The following TMEM38B variants were observed in gnomAD, a reference collection of about 807,000 sequenced individuals.
TMEM38B encodes trimeric intracellular cation channel type B.
In TMEM38B, 24 loss-of-function variants were observed where a neutral mutation model predicts 28.7. That is an observed-to-expected ratio of 0.84 (90% CI 0.61 to 1.18). The LOEUF (loss-of-function observed/expected upper bound fraction) is 1.18. Ranked by LOEUF, TMEM38B falls within the 50% of genes most tolerant of loss-of-function variation. TMEM38B has a pLI of 0.00. For synonymous variants in TMEM38B, 131 were observed against 127.7 expected, an observed-to-expected ratio of 1.03 and a Z score of -0.17; for missense variants, 380 against 350.9, an observed-to-expected ratio of 1.08 and a Z score of -0.66.
At chr9:105,748,647 G>C (rs1292748447) in intron 5 of TMEM38B, among the ~76,000 whole-genome samples, 1 of 152,154 alleles carries the variant, frequency 6.6e-6, no homozygotes, top group Non-Finnish European at 1.5e-5. Flanking sequence ...ATAGGTTAGA[G>C]ACAGGCAGTC....
chr9:105,713,724 G>C (rs1224519026), intron 2 of TMEM38B, among the ~76,000 whole-genome samples: 1 of 152,186 alleles, frequency 6.6e-6, no homozygotes, highest in Non-Finnish European at 1.5e-5. Flanking sequence ...CTGGAGCTGG[G>C]CTGCCAGTCC....
Position 105,776,410 on chromosome 9 carries a change from C to T in TMEM38B, c.*2330C>T, listed in dbSNP as rs147693901. The T allele has an allele frequency of 4.6e-5, 7 of 151,772 alleles. No homozygotes were observed. The highest frequency in any genetic ancestry group is 1.3e-4 in the Admixed American group (2 of 15,220). The allele number at this position is 151,772 out of a possible 1,614,324, so 9.4% of individuals were successfully genotyped here. The stretch of plus-strand genomic sequence containing the variant: ...ATGGTAGCCTCCCTGTGGGTAGAGA[C>T]CAAAAGGTAGAGAGATGACAGAAGG... On this transcript the variant is annotated 3_prime_UTR_variant, in exon 6 of 6. Transcript: ENST00000374692.
chr9:105,773,914 A>C lies in TMEM38B; in HGVS notation c.710A>C (p.Glu237Ala). Reference protein sequence around the residue: ...QTSTMTFAPFEDTLSWMLFGW... With the variant: ...QTSTMTFAPFADTLSWMLFGW... ...TCTACTATGACATTTGCTCCTTTTG[A>C]GGATACATTGAGTTGGATGCTATTT... The change falls in exon 6 of 6, where the codon GAG becomes GCG. Residue 237 changes from glutamate (E) to alanine (A), a missense_variant. Physicochemically the swap from Glu to Ala is moderately radical, Grantham distance 107 (BLOSUM62 -1). Coordinates refer to ENST00000374692, the MANE Select transcript of TMEM38B (RefSeq NM_018112.3). The C allele has an allele frequency of 6.2e-7, 1 of 1,613,688 alleles. No homozygotes were observed. Among genetic ancestry groups the C allele is most frequent in the Non-Finnish European group, 8.5e-7 (1 of 1,179,728 alleles).
intron 2 of TMEM38B, among the ~76,000 whole-genome samples, chr9:105,714,123 A>G (rs1262816607): frequency 7.0e-6 from 1 of 143,818 alleles, no homozygotes; most frequent in Non-Finnish European, 1.5e-5. Flanking sequence ...TGACCTGCCT[A>G]CAAACCGCAG....
rs574713222 is a variant in TMEM38B at position 105,712,621 on chromosome 9, A to G, written c.269+6868A>G. On this transcript the variant is annotated intron_variant, in intron 2 of 5. Transcript: ENST00000374692. ...CTAAGAGGTCCCATTTTGTGACATTAGCACCCTTTTACATTTAGTGCCTAT... is the reference window on the plus strand; with the variant it reads ...CTAAGAGGTCCCATTTTGTGACATTGGCACCCTTTTACATTTAGTGCCTAT... Among the ~76,000 whole-genome samples the G allele has an allele frequency of 1.5e-4, 23 of 152,380 alleles. No homozygotes were observed. In the East Asian group the frequency reaches 4.4e-3, roughly 29 times the overall value.
chr9:105,713,188 A>G (rs35164306), intron 2 of TMEM38B, among the ~76,000 whole-genome samples: 35,515 of 152,112 alleles, frequency 0.23, 6,807 homozygotes, highest in African/African-American at 0.51. Context: ...AGTAGAGGGC[A>G]GGGCTGCAGC....
chr9:105,751,814 C>G (rs908480753), intron 5 of TMEM38B, among the ~76,000 whole-genome samples: 1 of 152,206 alleles, frequency 6.6e-6, no homozygotes, highest in Non-Finnish European at 1.5e-5. Flanking sequence ...TGCAGCACAG[C>G]TGCCTTGGCA....
At chr9:105,740,142 G>C (rs12341885) in intron 4 of TMEM38B, among the ~76,000 whole-genome samples, 35,532 of 151,776 alleles carry the variant, frequency 0.23, 6,817 homozygotes, top group African/African-American at 0.51. Context: ...CTTGGCCTCC[G>C]AAAGTGTTGG....
intron 4 of TMEM38B, among the ~76,000 whole-genome samples, chr9:105,726,859 T>G (rs895615326): frequency 6.6e-6 from 1 of 152,156 alleles, no homozygotes; most frequent in Non-Finnish European, 1.5e-5. Context: ...TTTCCTCTAG[T>G]CCTTTTTTTT....
chr9:105,753,598 T>C (rs1837732888), intron 5 of TMEM38B, among the ~76,000 whole-genome samples: 1 of 152,142 alleles, frequency 6.6e-6, no homozygotes, highest in African/African-American at 2.4e-5. Context: ...ATAAGATCCT[T>C]TTCAGACAAG....
chr9:105,741,758 A>G (rs921494553), intron 4 of TMEM38B, among the ~76,000 whole-genome samples: 2 of 152,232 alleles, frequency 1.3e-5, no homozygotes, highest in African/African-American at 4.8e-5. Flanking sequence ...TTGAGGGAAT[A>G]AATGCTACTA....
chr9:105,723,171 A>T (rs1028238260), intron 4 of TMEM38B, among the ~76,000 whole-genome samples: 3 of 152,180 alleles, frequency 2.0e-5, no homozygotes, highest in Non-Finnish European at 4.4e-5. Context: ...TGTGATACAA[A>T]CTGCCTTTTG....
chr9:105,719,251 A>G (rs923343098), intron 2 of TMEM38B, among the ~76,000 whole-genome samples: 4 of 152,252 alleles, frequency 2.6e-5, no homozygotes, highest in Non-Finnish European at 5.9e-5. Context: ...TTTTCTCTCC[A>G]TTAACTTAAC....
At chr9:105,700,387 A>C (rs1835425521) in intron 1 of TMEM38B, among the ~76,000 whole-genome samples, 1 of 152,200 alleles carries the variant, frequency 6.6e-6, no homozygotes. Flanking sequence ...TTCCTCACAC[A>C]TTCCTGTAAG....
At position 105,721,850 on chromosome 9, in the gene TMEM38B, A is replaced by AAG. The variant is rs532449958; in HGVS notation, c.454+129_454+130insAG. On this transcript the variant is annotated intron_variant, in intron 3 of 5. Transcript: ENST00000374692. ...AACAGAGACTTTTTGGAAGGTAAAA[A>AAG]CCTTGTTTCTGTTGGCTGGTAAAGT... The AAG allele has an allele frequency of 3.5e-3, 2,416 of 696,056 alleles. 40 individuals are homozygous for AAG. Among genetic ancestry groups the AAG allele is most frequent in the Non-Finnish European group, 1.1e-3 (492 of 463,614 alleles). The allele number at this position is 696,056 out of a possible 1,614,324, so 43.1% of individuals were successfully genotyped here. A position where few individuals can be genotyped will look rare whatever the true frequency, so the allele number is the denominator to read the frequency against.
intron 5 of TMEM38B, among the ~76,000 whole-genome samples, chr9:105,761,740 C>T (rs145450763): frequency 3.2e-4 from 48 of 152,248 alleles, no homozygotes; most frequent in African/African-American, 1.1e-3. Context: ...CCTATATGCC[C>T]AGGGCCTAAC....
intron 4 of TMEM38B, among the ~76,000 whole-genome samples, chr9:105,740,621 T>C (rs1837167652): frequency 6.6e-6 from 1 of 152,282 alleles, no homozygotes; most frequent in African/African-American, 2.4e-5. Flanking sequence ...GCCTTTCATA[T>C]TGCTTATTGC....
At chr9:105,743,973 T>C (rs1461578393) in intron 4 of TMEM38B, among the ~76,000 whole-genome samples, 1 of 152,176 alleles carries the variant, frequency 6.6e-6, no homozygotes, top group East Asian at 1.9e-4. Context: ...ATATGTATGG[T>C]TATTCTAAAA....
intron 4 of TMEM38B, among the ~76,000 whole-genome samples, chr9:105,737,032 T>C (rs1224273395): frequency 1.3e-5 from 2 of 152,192 alleles, no homozygotes; most frequent in Non-Finnish European, 2.9e-5. Flanking sequence ...GGATCCTTCT[T>C]GGTGTCTGAT....
Sources: gnomAD v4.1 joint callset for allele counts (sites outside exome capture counted in the v4.1 genomes callset) on GRCh38, gnomAD v4.1.1 for gene constraint, MANE v1.5 for transcripts, NCBI Gene and HGNC (gene_info 2026-07-23, HGNC 2026-07-21) for gene names.